CAST: variants seen among roughly 807,000 people sequenced by gnomAD.
The protein encoded by CAST is calpastatin.
In CAST, 76 loss-of-function variants were observed where a neutral mutation model predicts 119.6. The ratio of observed to expected loss-of-function variants is 0.64; its 90% CI spans 0.53 to 0.77. The LOEUF (loss-of-function observed/expected upper bound fraction) is 0.77. Among genes scored for constraint, CAST ranks in the 30% least tolerant of loss-of-function variants. The pLI is 0.00. For missense variants in CAST, 953 were observed against 946.5 expected, an observed-to-expected ratio of 1.01 and a Z score of -0.09; for synonymous variants, 319 against 331.6, an observed-to-expected ratio of 0.96 and a Z score of 0.41.
At chr5:96,571,531 T>G (rs1746566879) in intron 1 of CAST, among the ~76,000 whole-genome samples, 1 of 152,358 alleles carries the variant, frequency 6.6e-6, no homozygotes, top group East Asian at 1.9e-4. Context: ...CCTCTAAAGA[T>G]GATCATAGTT....
At chr5:96,180,007 A>G in the CAST span, among the ~76,000 whole-genome samples, 2 of 151,654 alleles carry the variant, frequency 1.3e-5, no homozygotes, top group Non-Finnish European at 2.9e-5. Context: ...TGGGAGACAG[A>G]GCGAGACTCC....
chr5:96,642,262 A>C (rs1330793642), intron 1 of CAST, among the ~76,000 whole-genome samples: 2 of 152,236 alleles, frequency 1.3e-5, no homozygotes, highest in East Asian at 1.9e-4. Flanking sequence ...GGATCATTTC[A>C]ATCTTATTCA....
upstream of CAST, among the ~76,000 whole-genome samples, chr5:96,527,984 C>A (rs1745625213): frequency 1.3e-5 from 2 of 152,124 alleles, no homozygotes; most frequent in Admixed American, 6.5e-5. Context: ...GGGAAGATAG[C>A]CATAAAGTCC....
the CAST span, among the ~76,000 whole-genome samples, chr5:95,968,457 A>G: frequency 2.0e-5 from 3 of 152,242 alleles, no homozygotes; most frequent in African/African-American, 7.2e-5. Flanking sequence ...GGAAAGATTT[A>G]CAGTTGATAT....
chr5:96,218,228 T>G, the CAST span, among the ~76,000 whole-genome samples: 1 of 152,192 alleles, frequency 6.6e-6, no homozygotes, highest in African/African-American at 2.4e-5. Flanking sequence ...GCAGTATATG[T>G]GGTTGGATGC....
intron 2 of CAST, among the ~76,000 whole-genome samples, chr5:96,688,777 A>C (rs184440936): frequency 6.6e-6 from 1 of 152,304 alleles, no homozygotes; most frequent in Admixed American, 6.5e-5. Context: ...AAGTGTATTT[A>C]TTAAACCAGA....
At chr5:96,324,576 T>G in the CAST span, among the ~76,000 whole-genome samples, 1 of 152,208 alleles carries the variant, frequency 6.6e-6, no homozygotes, top group East Asian at 1.9e-4. Flanking sequence ...CTTGTGGTAA[T>G]TCTTTATTTG....
chr5:96,562,178 AC>A (rs781069062), intron 1 of CAST, among the ~76,000 whole-genome samples: 1 of 139,862 alleles, frequency 7.1e-6, no homozygotes, highest in Non-Finnish European at 1.6e-5. Flanking sequence ...CGTTAATAAA[AC>A]TTTTCATGCA....
chr5:96,279,548 G>A, the CAST span, among the ~76,000 whole-genome samples: 1 of 152,092 alleles, frequency 6.6e-6, no homozygotes, highest in Non-Finnish European at 1.5e-5. Flanking sequence ...TCCAAACAAC[G>A]TATTTTTTAA....
the CAST span, among the ~76,000 whole-genome samples, chr5:96,262,094 G>A: frequency 6.6e-6 from 1 of 152,196 alleles, no homozygotes; most frequent in African/African-American, 2.4e-5. Flanking sequence ...GTTTTCTTGG[G>A]AAAGTAGTCT....
the CAST span, among the ~76,000 whole-genome samples, chr5:96,431,126 T>A: frequency 6.6e-6 from 1 of 152,202 alleles, no homozygotes; most frequent in Non-Finnish European, 1.5e-5. Flanking sequence ...AGGTCATACA[T>A]GATTTGTATG....
the CAST span, among the ~76,000 whole-genome samples, chr5:96,284,415 A>G: frequency 1.3e-5 from 2 of 152,118 alleles, no homozygotes; most frequent in Non-Finnish European, 1.5e-5. Flanking sequence ...CTAGACCACA[A>G]CACCCCTGCA....
At chr5:96,392,737 A>G in the CAST span, 6 of 512,374 alleles carry the variant, frequency 1.2e-5, no homozygotes, top group East Asian at 1.4e-4. Flanking sequence ...CTTTTTGTCA[A>G]CTGTGACTCC....
At chr5:96,118,313 G>C in the CAST span, among the ~76,000 whole-genome samples, 2 of 152,078 alleles carry the variant, frequency 1.3e-5, no homozygotes, top group African/African-American at 2.4e-5. Flanking sequence ...TCTCAGGGCA[G>C]TGCCCCATTG....
the CAST span, among the ~76,000 whole-genome samples, chr5:96,383,877 C>A: frequency 1.3e-5 from 2 of 152,118 alleles, no homozygotes; most frequent in Admixed American, 6.5e-5. Flanking sequence ...CAGTGTGGAC[C>A]AGGATGGTAG....
In CAST at chr5:96,620,288, CT is replaced by C. The variant is rs60552077; in HGVS notation, c.61-55236del. 5.8e-3 allele frequency among the ~76,000 whole-genome samples: 782 copies of C among 134,448 alleles called. 2 individuals are homozygous for C. Among genetic ancestry groups the C allele is most frequent in the African/African-American group, 0.012 (443 of 37,336 alleles). The allele number at this position is 134,448 out of a possible 152,430, so 88.2% of individuals were successfully genotyped here. ...GATGCAGGTGAAGCCAGTTCTTTTT[CT>C]TTTTTTTTTTTTTTGGTATTTAATG... is the stretch of plus-strand genomic sequence containing the variant. On this transcript the variant is annotated intron_variant, in intron 1 of 11. Transcript: ENST00000505143.
At chr5:96,580,903 T>C (rs1746760004) in intron 1 of CAST, among the ~76,000 whole-genome samples, 1 of 152,240 alleles carries the variant, frequency 6.6e-6, no homozygotes, top group Non-Finnish European at 1.5e-5. Flanking sequence ...ACAGGATGAC[T>C]GCTTCTATTG....
chr5:96,324,827 T>TAAGTGACTC, the CAST span, among the ~76,000 whole-genome samples: 1 of 152,130 alleles, frequency 6.6e-6, no homozygotes, highest in Admixed American at 6.5e-5. Flanking sequence ...CCACTTAAGT[T>TAAGTGACTC]TTATGAAGTG....
intron 6 of CAST, among the ~76,000 whole-genome samples, chr5:96,727,911 T>C (rs1263137198): frequency 3.3e-5 from 5 of 152,214 alleles, no homozygotes; most frequent in Admixed American, 3.3e-4. Flanking sequence ...AGGTGTCTGC[T>C]GAACTCAGCA....
Sources: gnomAD v4.1 joint callset for allele counts (sites outside exome capture counted in the v4.1 genomes callset) on GRCh38, gnomAD v4.1.1 for gene constraint, MANE v1.5 for transcripts, NCBI Gene and HGNC (gene_info 2026-07-23, HGNC 2026-07-21) for gene names.